Variants in STX11 observed in about 807,000 individuals in gnomAD.
The protein encoded by STX11 is syntaxin-11.
Under a neutral mutation model 19.9 loss-of-function variants are expected in STX11, and 21 were observed. That is an observed-to-expected ratio of 1.06 (90% CI 0.75 to 1.52). The LOEUF (loss-of-function observed/expected upper bound fraction) is 1.52, where lower values mean the gene tolerates loss of function less well. Ranked by LOEUF, STX11 falls within the 40% of genes most tolerant of loss-of-function variation. The pLI is 0.00. For synonymous variants in STX11, 193 were observed against 174.4 expected, an observed-to-expected ratio of 1.11 and a Z score of -0.84; for missense variants, 438 against 405.9, an observed-to-expected ratio of 1.08 and a Z score of -0.68.
rs1188256983 is a variant in STX11 at position 144,159,685 on chromosome 6, G to A, written c.-6+8982G>A. The stretch of plus-strand genomic sequence containing the variant: ...AGTTACTTTGTTAATATTTTAATAT[G>A]TAATATACAGTGGAAGAAAATAAAT... On this transcript the variant is annotated intron_variant, in intron 1 of 1. Transcript: ENST00000367568. This position sits in a 1 kb window ranked among gnomAD's most constrained non-coding sequence, Gnocchi z 4.3. Among the ~76,000 whole-genome samples the A allele has an allele frequency of 6.6e-6, 1 of 152,212 alleles. No homozygotes were observed. Among genetic ancestry groups the A allele is most frequent in the Non-Finnish European group, 1.5e-5 (1 of 68,044 alleles).
rs1206478035 is a variant in STX11 at position 144,169,104 on chromosome 6, T to A, written c.-5-17519T>A. Among the ~76,000 whole-genome samples the A allele has an allele frequency of 6.6e-6, 1 of 152,176 alleles. No individual in the cohort carries two copies. The highest frequency in any genetic ancestry group is 1.9e-4 in the East Asian group (1 of 5,200). On this transcript the variant is annotated intron_variant, in intron 1 of 1. Coordinates refer to ENST00000367568, the MANE Select transcript of STX11 (RefSeq NM_003764.4). This position sits in a 1 kb window ranked among gnomAD's most constrained non-coding sequence, Gnocchi z 5.2. The stretch of plus-strand genomic sequence containing the variant: ...CATAATGGATTGGTAAGAAATTCAC[T>A]CCTTGGAAACAGCAAAGACACAAGC...
chr6:144,157,674 G>A lies in STX11; in HGVS notation c.-6+6971G>A, dbSNP rs1440109827. Among the ~76,000 whole-genome samples, 7 of 152,244 alleles carry A rather than the reference G, an allele frequency of 4.6e-5. No homozygotes were observed. In the South Asian group the frequency reaches 6.2e-4, roughly 14 times the overall value. ...GCAGAAGAGCCAGGGAGAGTAGGCC[G>A]TGGTGAGGGCAGTAGTGGTGTTTAA... On this transcript the variant is annotated intron_variant, in intron 1 of 1. Transcript: ENST00000367568.
At chr6:144,178,052 G>T (rs1292304917) in intron 1 of STX11, among the ~76,000 whole-genome samples, 8 of 152,146 alleles carry the variant, frequency 5.3e-5, no homozygotes, top group African/African-American at 1.4e-4. Flanking sequence ...GCTAATAATT[G>T]TTCCTAATAG....
At position 144,187,804 on chromosome 6, in the gene STX11, G is replaced by A. The variant is rs1802102037; in HGVS notation, c.*313G>A. 2.0e-6 allele frequency: 1 copy of A among 489,176 alleles called. No individual in the cohort carries two copies. Among genetic ancestry groups the A allele is most frequent in the South Asian group, 2.5e-5 (1 of 39,372 alleles). The allele number at this position is 489,176 out of a possible 1,614,324, so 30.3% of individuals were successfully genotyped here. A position where few individuals can be genotyped will look rare whatever the true frequency, so the allele number is the denominator to read the frequency against. The stretch of plus-strand genomic sequence containing the variant: ...AACTGAAGTTGTATCTGACTGTAGG[G>A]TGAATGTCTGAGGCCTGCCTCCTAA... On this transcript the variant is annotated 3_prime_UTR_variant, in exon 2 of 2. Coordinates refer to ENST00000367568, the MANE Select transcript of STX11 (RefSeq NM_003764.4). This position sits in a 1 kb window ranked among gnomAD's most constrained non-coding sequence, Gnocchi z 5.6.
At chr6:144,168,834 A>G (rs925418941) in intron 1 of STX11, among the ~76,000 whole-genome samples, 6 of 152,240 alleles carry the variant, frequency 3.9e-5, no homozygotes, top group Admixed American at 6.5e-5. Flanking sequence ...ATCCTCATTG[A>G]TCTAAGGATA....
intron 1 of STX11, among the ~76,000 whole-genome samples, chr6:144,179,458 G>A (rs1404006622): frequency 6.6e-6 from 1 of 152,198 alleles, no homozygotes; most frequent in Non-Finnish European, 1.5e-5. Context: ...TGTTCTTTAA[G>A]GGCTGTGTTA....
rs1431865062 is a variant in STX11 at position 144,162,534 on chromosome 6, T to C, written c.-6+11831T>C. Among the ~76,000 whole-genome samples the C allele has an allele frequency of 6.6e-6, 1 of 152,258 alleles. No homozygotes were observed. Among genetic ancestry groups the C allele is most frequent in the Non-Finnish European group, 1.5e-5 (1 of 68,052 alleles). ...GAAGGCGTCTTCAAAAATGCAAATA[T>C]GCTTTCTTGATGGAGCAGTATATTA... On this transcript the variant is annotated intron_variant, in intron 1 of 1. Coordinates refer to ENST00000367568, the MANE Select transcript of STX11 (RefSeq NM_003764.4). This position sits in a 1 kb window ranked among gnomAD's most constrained non-coding sequence, Gnocchi z 4.6.
At chr6:144,149,814 A>G (rs1800947294), upstream of STX11, among the ~76,000 whole-genome samples, 1 of 152,046 alleles carries the variant, frequency 6.6e-6, no homozygotes, top group South Asian at 2.1e-4. The surrounding 1 kb of genome is among the most constrained non-coding windows in gnomAD (Gnocchi z 5.1). Context: ...CTTACTTTTC[A>G]GCCTCAGCCT....
chr6:144,189,010 G>A lies in STX11; in HGVS notation c.*1519G>A, dbSNP rs1316583929. 2.0e-5 allele frequency among the ~76,000 whole-genome samples: 3 copies of A among 151,678 alleles called. No individual in the cohort carries two copies. The highest frequency in any genetic ancestry group is 4.4e-5 in the Non-Finnish European group (3 of 67,966). ...CATAGTGCTGGGATTACAGGTGTGA[G>A]CCACCATGCCTGGCCTTTTTTCCCC... On this transcript the variant is annotated 3_prime_UTR_variant, in exon 2 of 2. Transcript: ENST00000367568.
rs542765081 is a variant in STX11, at chr6:144,165,529, A to G, written c.-6+14826A>G. On this transcript the variant is annotated intron_variant, in intron 1 of 1. Coordinates refer to ENST00000367568, the MANE Select transcript of STX11 (RefSeq NM_003764.4). This position sits in a 1 kb window ranked among gnomAD's most constrained non-coding sequence, Gnocchi z 5.8. ...AGTTTGTTTTCTTAGCTCCTTTTATATAGTGAGTACAAAGCACCTAACTCT... is the reference window on the plus strand; with the variant it reads ...AGTTTGTTTTCTTAGCTCCTTTTATGTAGTGAGTACAAAGCACCTAACTCT... 1.3e-5 allele frequency among the ~76,000 whole-genome samples: 2 copies of G among 152,318 alleles called. No individual in the cohort carries two copies. The highest frequency in any genetic ancestry group is 6.5e-5 in the Admixed American group (1 of 15,298).
In STX11 at chr6:144,189,386, G is replaced by A. The variant is rs561338092; in HGVS notation, c.*1895G>A. ...GATGGAACTGAGTGGAGGGGGAAAAGAATGAAAAACTCAAAAGAATTCCCA... is the reference window on the plus strand; with the variant it reads ...GATGGAACTGAGTGGAGGGGGAAAAAAATGAAAAACTCAAAAGAATTCCCA... On this transcript the variant is annotated 3_prime_UTR_variant, in exon 2 of 2. Coordinates refer to ENST00000367568, the MANE Select transcript of STX11 (RefSeq NM_003764.4). Among the ~76,000 whole-genome samples the A allele has an allele frequency of 6.6e-6, 1 of 152,182 alleles. No individual in the cohort carries two copies. The highest frequency in any genetic ancestry group is 1.5e-5 in the Non-Finnish European group (1 of 68,026).
In STX11 at chr6:144,163,953, C is replaced by T. The variant is rs371737110; in HGVS notation, c.-6+13250C>T. On this transcript the variant is annotated intron_variant, in intron 1 of 1. Transcript: ENST00000367568. ...AGAGCAAGACCTTGTCTCTCTCTCT[C>T]TCATAAAAAGGTTTATGTTAAGTTT... is the stretch of plus-strand genomic sequence containing the variant. 9.2e-5 allele frequency among the ~76,000 whole-genome samples: 14 copies of T among 152,166 alleles called. No individual in the cohort carries two copies. The East Asian group carries it at 2.5e-3, about 27-fold the overall frequency.
Position 144,174,084 on chromosome 6 carries a change from T to C in STX11, c.-5-12539T>C, listed in dbSNP as rs1360677110. Among the ~76,000 whole-genome samples the C allele has an allele frequency of 6.6e-6, 1 of 152,228 alleles. No individual in the cohort carries two copies. The stretch of plus-strand genomic sequence containing the variant: ...CGCGGCTCCTTCATTTTCAGTCTTT[T>C]GTTAGGTTAGCTGGTGGTTGTGCTC... On this transcript the variant is annotated intron_variant, in intron 1 of 1. Transcript: ENST00000367568. This position sits in a 1 kb window ranked among gnomAD's most constrained non-coding sequence, Gnocchi z 5.3.
upstream of STX11, among the ~76,000 whole-genome samples, chr6:144,147,467 C>A (rs1156650150): frequency 6.6e-6 from 1 of 152,184 alleles, no homozygotes; most frequent in East Asian, 1.9e-4. The surrounding 1 kb of genome is among the most constrained non-coding windows in gnomAD (Gnocchi z 4.2). Context: ...ATCAGAACTT[C>A]TCATTCTCTT....
rs1401439378 is a variant in STX11 at position 144,155,061 on chromosome 6, G to C, written c.-6+4358G>C. On this transcript the variant is annotated intron_variant, in intron 1 of 1. Transcript: ENST00000367568. This position sits in a 1 kb window ranked among gnomAD's most constrained non-coding sequence, Gnocchi z 4.5. ...GTTCAGCAATCAGGGACTAAGAATT[G>C]ATCTAGGAAGAAACTGGAATAATCA... 6.6e-6 allele frequency among the ~76,000 whole-genome samples: 1 copy of C among 152,048 alleles called. No homozygotes were observed. Among genetic ancestry groups the C allele is most frequent in the Non-Finnish European group, 1.5e-5 (1 of 68,012 alleles).
intron 1 of STX11, among the ~76,000 whole-genome samples, chr6:144,179,021 T>C (rs1035943241): frequency 2.0e-5 from 3 of 152,168 alleles, no homozygotes; most frequent in African/African-American, 7.2e-5. Flanking sequence ...AGAAAGAGGT[T>C]TAATGGACTT....
Position 144,150,627 on chromosome 6 carries a change from C to T in STX11, c.-82C>T, listed in dbSNP as rs982800372. 1.0e-6 allele frequency: 1 copy of T among 985,344 alleles called. No homozygotes were observed. The highest frequency in any genetic ancestry group is 1.2e-6 in the Non-Finnish European group (1 of 829,988). The allele number at this position is 985,344 out of a possible 1,614,324, so 61.0% of individuals were successfully genotyped here. A position where few individuals can be genotyped will look rare whatever the true frequency, so the allele number is the denominator to read the frequency against. On this transcript the variant is annotated 5_prime_UTR_variant, in exon 1 of 2. Coordinates refer to ENST00000367568, the MANE Select transcript of STX11 (RefSeq NM_003764.4). ...GGAGTCGCGCAACAGGTTTCCTTCT[C>T]CATCGCTGCGCCCACAGGGGACGCG...
rs143759773 is a variant in STX11 at position 144,191,269 on chromosome 6, A to G, written c.*3778A>G. On this transcript the variant is annotated 3_prime_UTR_variant, in exon 2 of 2. Transcript: ENST00000367568. ...TAGGAAAGGTGCTCATCTAGTATGCATCGGTATCCAGGATAATATGAGTTA... is the reference window on the plus strand; with the variant it reads ...TAGGAAAGGTGCTCATCTAGTATGCGTCGGTATCCAGGATAATATGAGTTA... Among the ~76,000 whole-genome samples the G allele has an allele frequency of 2.5e-4, 37 of 145,888 alleles. No homozygotes were observed. Among genetic ancestry groups the G allele is most frequent in the African/African-American group, 9.3e-4 (36 of 38,892 alleles).
chr6:144,149,430 C>T (rs550582620), upstream of STX11, among the ~76,000 whole-genome samples: 110 of 152,256 alleles, frequency 7.2e-4, 1 homozygote, highest in African/African-American at 2.5e-3. This position sits in a 1 kb window ranked among gnomAD's most constrained non-coding sequence, Gnocchi z 5.1. Flanking sequence ...GTTCCTGTGT[C>T]TAAACATTCT....
Sources: allele counts gnomAD v4.1 joint callset (sites outside exome capture counted in the v4.1 genomes callset), GRCh38; gene constraint gnomAD v4.1.1; non-coding constraint Gnocchi (gnomAD v3.1); transcripts MANE v1.5; gene names NCBI Gene and HGNC (gene_info 2026-07-23, HGNC 2026-07-21).